Variants in RP1 observed in about 807,000 individuals in gnomAD.
RP1 encodes the protein RP1 axonemal microtubule associated.
In RP1, 16 loss-of-function variants were observed where a neutral mutation model predicts 14.8. The ratio of observed to expected loss-of-function variants is 1.08; its 90% CI spans 0.73 to 1.65. The LOEUF is 1.65. Ranked by LOEUF, RP1 falls within the 40% of genes most tolerant of loss-of-function variation. The probability of loss-of-function intolerance (pLI) is 0.00; values close to 1 mark genes in which losing one functional copy is unlikely to be tolerated. For synonymous variants in RP1, 876 were observed against 883.6 expected, an observed-to-expected ratio of 0.99 and a Z score of 0.15; for missense variants, 2,631 against 2,535.0, an observed-to-expected ratio of 1.04 and a Z score of -0.81.
chr8:54,630,724 G>T lies in RP1; in HGVS notation c.*371G>T. The T allele has an allele frequency of 9.6e-7, 1 of 1,043,662 alleles. No individual in the cohort carries two copies. The highest frequency in any genetic ancestry group is 3.3e-5 in the South Asian group (1 of 30,138). 64.7% of individuals were successfully genotyped at this position (1,043,662 alleles called of 1,614,324 possible). A position where few individuals can be genotyped will look rare whatever the true frequency, so the allele number is the denominator to read the frequency against. On this transcript the variant is annotated 3_prime_UTR_variant, in exon 4 of 4. Transcript: ENST00000220676. The stretch of plus-strand genomic sequence containing the variant: ...GTGTAAAATGTATATTGACTGTATT[G>T]GTGAATAAATTGAATAGACATAACC...
chr8:54,699,165 G>A (rs1480020070), intron 12 of RP1, among the ~76,000 whole-genome samples: 6 of 151,052 alleles, frequency 4.0e-5, no homozygotes, highest in African/African-American at 7.3e-5. Flanking sequence ...AGATATAGCT[G>A]TGTATATACG....
chr8:54,616,493 A>G (rs1805719360), intron 1 of RP1, among the ~76,000 whole-genome samples: 1 of 152,240 alleles, frequency 6.6e-6, no homozygotes, highest in African/African-American at 2.4e-5. Flanking sequence ...TATACTTCTT[A>G]TAGACATCTA....
At chr8:54,754,934 A>G (rs1809463122) in exon 20 of RP1, 2 of 1,520,082 alleles carry the variant, frequency 1.3e-6, no homozygotes, top group Non-Finnish European at 1.8e-6. Flanking sequence ...CTATTTTTCC[A>G]TGTGTGTTTT....
intron 24 of RP1, among the ~76,000 whole-genome samples, chr8:54,815,453 A>C (rs1811116082): frequency 6.6e-6 from 1 of 152,242 alleles, no homozygotes; most frequent in Non-Finnish European, 1.5e-5. Context: ...AATATTCTAG[A>C]CTATGAATAG....
chr8:54,845,289 T>C (rs902598991), intron 25 of RP1, among the ~76,000 whole-genome samples: 1 of 152,176 alleles, frequency 6.6e-6, no homozygotes, highest in Non-Finnish European at 1.5e-5. Flanking sequence ...CTGCCTTCTT[T>C]AGATGATTCA....
chr8:54,643,470 C>T (rs1806489668), intron 3 of RP1, among the ~76,000 whole-genome samples: 1 of 152,170 alleles, frequency 6.6e-6, no homozygotes, highest in African/African-American at 2.4e-5. Context: ...ACTCCTCTGA[C>T]TAGGGTTTTG....
chr8:54,608,976 A>G (rs1184049565), intron 1 of RP1, among the ~76,000 whole-genome samples: 3 of 152,182 alleles, frequency 2.0e-5, no homozygotes, highest in Admixed American at 2.0e-4. Context: ...TATGTTGCAG[A>G]CAGGCATGCT....
chr8:54,665,360 T>A (rs1806993750), intron 7 of RP1, among the ~76,000 whole-genome samples: 1 of 152,180 alleles, frequency 6.6e-6, no homozygotes, highest in Non-Finnish European at 1.5e-5. Context: ...TGGCAGAGAT[T>A]AAGTGCCTCT....
At chr8:54,754,838 A>G (rs1241049316) in exon 20 of RP1, 1 of 1,530,012 alleles carries the variant, frequency 6.5e-7, no homozygotes, top group Non-Finnish European at 8.7e-7. Context: ...AGAAGATCCT[A>G]GATTTTGCAG....
At chr8:54,810,057 C>G (rs1242341329) in intron 24 of RP1, among the ~76,000 whole-genome samples, 1 of 152,128 alleles carries the variant, frequency 6.6e-6, no homozygotes, top group African/African-American at 2.4e-5. Context: ...ATATGAGAAG[C>G]CTTTCAGAAT....
intron 7 of RP1, among the ~76,000 whole-genome samples, chr8:54,670,553 G>GTA (rs201776270): frequency 0.058 from 4,573 of 78,980 alleles, 896 homozygotes; most frequent in Admixed American, 0.086. Flanking sequence ...GTATGTATAT[G>GTA]TATATATATA....
intron 3 of RP1, among the ~76,000 whole-genome samples, chr8:54,641,903 T>A (rs1585577134): frequency 6.6e-6 from 1 of 152,176 alleles, no homozygotes; most frequent in East Asian, 1.9e-4. Context: ...AGACTAGATC[T>A]CAAAATGATT....
rs977791906 is a variant in RP1, at chr8:54,706,124, TATATTA to T, written c.1999-311_1999-306del. Among the ~76,000 whole-genome samples, 3 of 152,352 alleles carry T rather than the reference TATATTA, an allele frequency of 2.0e-5. No individual in the cohort carries two copies. In the South Asian group the frequency reaches 6.2e-4, roughly 32 times the overall value. On this transcript the variant is annotated intron_variant, in intron 14 of 22. Coordinates refer to the RP1 transcript ENST00000636932. ...CTTATAGCATATTTTTATTGTGCTTTATATTAATATTAACATTATTTGTTTAAGGTG... is the reference window on the plus strand; with the variant it reads ...CTTATAGCATATTTTTATTGTGCTTTATATTAACATTATTTGTTTAAGGTG...
intron 24 of RP1, among the ~76,000 whole-genome samples, chr8:54,806,622 A>C (rs16920779): frequency 0.029 from 4,452 of 152,276 alleles, 207 homozygotes; most frequent in African/African-American, 0.1. Flanking sequence ...TAAGTGTTTT[A>C]AGAGCTCACA....
chr8:54,604,207 T>A (rs576101987), intron 1 of RP1, among the ~76,000 whole-genome samples: 1 of 152,088 alleles, frequency 6.6e-6, no homozygotes, highest in African/African-American at 2.4e-5. Context: ...TTTGAGATAA[T>A]TCCCATCAAT....
chr8:54,834,823 C>G (rs1009390833), intron 24 of RP1, among the ~76,000 whole-genome samples: 1 of 151,938 alleles, frequency 6.6e-6, no homozygotes, highest in Non-Finnish European at 1.5e-5. Context: ...GAAGGGCAAT[C>G]AATATGTAAA....
intron 27 of RP1, among the ~76,000 whole-genome samples, chr8:54,860,308 A>G (rs1389665307): frequency 6.6e-6 from 1 of 152,188 alleles, no homozygotes; most frequent in East Asian, 1.9e-4. Context: ...ATGTGCAGGT[A>G]CGGGAGGGAC....
intron 25 of RP1, among the ~76,000 whole-genome samples, chr8:54,851,075 G>A (rs187760585): frequency 9.5e-4 from 145 of 152,274 alleles, no homozygotes; most frequent in African/African-American, 3.3e-3. Context: ...GTGCGTGCAT[G>A]TGTGCATGTG....
downstream of RP1, among the ~76,000 whole-genome samples, chr8:54,770,607 C>T (rs556834204): frequency 1.4e-5 from 2 of 145,912 alleles, no homozygotes; most frequent in South Asian, 2.3e-4. Flanking sequence ...AATTTATTTA[C>T]GTTCTCTCAA....
Sources: allele counts gnomAD v4.1 joint callset (sites outside exome capture counted in the v4.1 genomes callset), GRCh38; gene constraint gnomAD v4.1.1; transcripts MANE v1.5; gene names NCBI Gene and HGNC (gene_info 2026-07-23, HGNC 2026-07-21).